FSTL4: variants seen among roughly 807,000 people sequenced by gnomAD.
FSTL4 encodes follistatin like 4, also known as follistatin-related protein 4.
A neutral mutation model predicts 78.2 loss-of-function variants in FSTL4; 28 were observed. That is an observed-to-expected ratio of 0.36 (90% CI 0.27 to 0.49). The LOEUF is 0.49. FSTL4 is among the 20% of genes least tolerant of loss of function. The probability of loss-of-function intolerance (pLI) is 0.98; values close to 1 mark genes in which losing one functional copy is unlikely to be tolerated. For missense variants in FSTL4, 922 were observed against 1,084.9 expected (o/e 0.85, Z 2.11); for synonymous variants, 422 against 440.5 (o/e 0.96, Z 0.53).
At chr5:133,468,817 G>A (rs966325938) in intron 3 of FSTL4, among the ~76,000 whole-genome samples, 11 of 152,174 alleles carry the variant, frequency 7.2e-5, no homozygotes, top group African/African-American at 2.4e-4. Context: ...CTCAGTGCGG[G>A]AAACAGACGG....
chr5:133,691,952 C>T, the FSTL4 span, among the ~76,000 whole-genome samples: 72 of 152,312 alleles, frequency 4.7e-4, no homozygotes, highest in African/African-American at 1.6e-3. Context: ...ATTAATAGCA[C>T]ACTACACTAT....
At chr5:133,494,828 T>G (rs2112871645) in intron 3 of FSTL4, among the ~76,000 whole-genome samples, 1 of 152,374 alleles carries the variant, frequency 6.6e-6, no homozygotes, top group Admixed American at 6.5e-5. Flanking sequence ...AGCACATCCC[T>G]CTGGCACACA....
In FSTL4 at chr5:133,532,805, C is replaced by A. The variant is rs531754228; in HGVS notation, c.160+34381G>T. Among the ~76,000 whole-genome samples, 14 of 152,324 alleles carry A rather than the reference C, an allele frequency of 9.2e-5. No individual in the cohort carries two copies. In the South Asian group the frequency reaches 2.9e-3, roughly 32 times the overall value. Reference sequence around the variant, plus strand: ...CTCAGAAAGGCCGGTCACAGATGGGCTGGCCAGCCAGAGTCCTAGAGTACC... The same window carrying A: ...CTCAGAAAGGCCGGTCACAGATGGGATGGCCAGCCAGAGTCCTAGAGTACC... On this transcript the variant is annotated intron_variant, in intron 3 of 15. Transcript: ENST00000265342.
chr5:133,635,997 CACG>C, the FSTL4 span, among the ~76,000 whole-genome samples: 1 of 152,160 alleles, frequency 6.6e-6, no homozygotes, highest in East Asian at 1.9e-4. Flanking sequence ...TGCATGGCAT[CACG>C]TGAGCAGGGA....
chr5:133,468,480 C>T (rs889123690), intron 3 of FSTL4, among the ~76,000 whole-genome samples: 8 of 152,118 alleles, frequency 5.3e-5, no homozygotes, highest in African/African-American at 1.9e-4. Flanking sequence ...GGCTTCATCT[C>T]TTCCTCTGTT....
chr5:133,597,557 G>A (rs401191), intron 2 of FSTL4, among the ~76,000 whole-genome samples: 17,410 of 152,168 alleles, frequency 0.11, 1,180 homozygotes, highest in African/African-American at 0.19. Context: ...GGGTTTCTGT[G>A]AACTCATAAA....
chr5:133,774,899 A>T, the FSTL4 span, among the ~76,000 whole-genome samples: 2 of 152,222 alleles, frequency 1.3e-5, no homozygotes, highest in Non-Finnish European at 2.9e-5. Context: ...TAAATCTTGC[A>T]CAAATTCAAA....
intron 14 of FSTL4, among the ~76,000 whole-genome samples, chr5:133,205,012 A>G (rs1750450229): frequency 6.6e-6 from 1 of 152,114 alleles, no homozygotes; most frequent in South Asian, 2.1e-4. Flanking sequence ...TTTTTGTGAT[A>G]ATGCATATCC....
the FSTL4 span, among the ~76,000 whole-genome samples, chr5:133,650,219 C>T: frequency 6.6e-6 from 1 of 152,176 alleles, no homozygotes; most frequent in Admixed American, 6.5e-5. Context: ...ATGACCCAAA[C>T]ACCTCCCATG....
At chr5:133,299,576 G>A (rs1418968064) in intron 6 of FSTL4, among the ~76,000 whole-genome samples, 2 of 152,188 alleles carry the variant, frequency 1.3e-5, no homozygotes, top group Non-Finnish European at 2.9e-5. Flanking sequence ...TGGGGGCCCT[G>A]CTCAGCCCAG....
chr5:133,696,229 TG>T, the FSTL4 span, among the ~76,000 whole-genome samples: 1 of 152,254 alleles, frequency 6.6e-6, no homozygotes, highest in Admixed American at 6.5e-5. Flanking sequence ...CCTCCTTCTT[TG>T]CTCACTCCTG....
At chr5:133,287,649 A>G (rs895433813) in intron 6 of FSTL4, among the ~76,000 whole-genome samples, 2 of 152,144 alleles carry the variant, frequency 1.3e-5, no homozygotes, top group Non-Finnish European at 2.9e-5. Flanking sequence ...TTGGCCTCTC[A>G]TTCCAGGCCT....
chr5:133,384,975 C>T (rs187908816), intron 4 of FSTL4, among the ~76,000 whole-genome samples: 1 of 152,352 alleles, frequency 6.6e-6, no homozygotes, highest in Non-Finnish European at 1.5e-5. Context: ...CATTTCTCAT[C>T]ATTTAGTACT....
chr5:133,388,661 T>C (rs1428144939), intron 4 of FSTL4: 1 of 151,870 alleles, frequency 6.6e-6, no homozygotes, highest in Admixed American at 6.6e-5. Context: ...TTTCAAAACC[T>C]AAAATGTCAG....
chr5:133,643,014 G>A, the FSTL4 span, among the ~76,000 whole-genome samples: 6 of 152,288 alleles, frequency 3.9e-5, no homozygotes, highest in East Asian at 1.9e-4. Flanking sequence ...CTTAGAAAAT[G>A]TATGTCTATT....
the FSTL4 span, among the ~76,000 whole-genome samples, chr5:133,684,038 T>C: frequency 6.6e-6 from 1 of 152,192 alleles, no homozygotes; most frequent in South Asian, 2.1e-4. Context: ...TTGGTGAGTT[T>C]GTGGACCATA....
intron 3 of FSTL4, among the ~76,000 whole-genome samples, chr5:133,420,351 T>A (rs1756666669): frequency 6.6e-6 from 1 of 152,246 alleles, no homozygotes. Flanking sequence ...TTGACAAAAA[T>A]CTATGCATTT....
At chr5:133,785,065 A>G in the FSTL4 span, among the ~76,000 whole-genome samples, 3 of 152,134 alleles carry the variant, frequency 2.0e-5, no homozygotes, top group Admixed American at 2.0e-4. Context: ...TCTGAGCTCG[A>G]GAAGGAACAG....
At chr5:133,750,818 G>C in the FSTL4 span, among the ~76,000 whole-genome samples, 458 of 152,146 alleles carry the variant, frequency 3.0e-3, 2 homozygotes, top group Admixed American at 6.9e-3. Flanking sequence ...ATGGCTGCAG[G>C]GCTGGGGCAC....
Sources: gnomAD v4.1 joint callset for allele counts (sites outside exome capture counted in the v4.1 genomes callset) on GRCh38, gnomAD v4.1.1 for gene constraint, MANE v1.5 for transcripts, NCBI Gene and HGNC (gene_info 2026-07-23, HGNC 2026-07-21) for gene names.